Variants in PARD3B observed in about 807,000 individuals in gnomAD.
PARD3B encodes partitioning defective 3 homolog B.
In PARD3B, 103 loss-of-function variants were observed where a neutral mutation model predicts 130.2. That is an observed-to-expected ratio of 0.79 (90% CI 0.67 to 0.93). The LOEUF (loss-of-function observed/expected upper bound fraction) is 0.93, where lower values mean the gene tolerates loss of function less well. Among genes scored for constraint, PARD3B ranks in the 40% least tolerant of loss-of-function variants. The probability of loss-of-function intolerance (pLI) is 0.00; values close to 1 mark genes in which losing one functional copy is unlikely to be tolerated. For missense variants in PARD3B, 1,609 were observed against 1,499.2 expected (o/e 1.07, Z -1.21); for synonymous variants, 583 against 553.2 (o/e 1.05, Z -0.76).
chr2:205,534,731 A>C lies in PARD3B; in HGVS notation c.3181-18593A>C, dbSNP rs181825636. Among the ~76,000 whole-genome samples, 1,311 of 152,336 alleles carry C rather than the reference A, an allele frequency of 8.6e-3. 8 individuals are homozygous for C. Among genetic ancestry groups the C allele is most frequent in the Non-Finnish European group, 0.013 (878 of 68,032 alleles). On this transcript the variant is annotated intron_variant, in intron 21 of 22. Transcript: ENST00000406610. Reference sequence around the variant, plus strand: ...TGATCCACCCACGTTGGCCTCCCAAAGTGCTGGAATTACAGGCTTGAGCCA... The same window carrying C: ...TGATCCACCCACGTTGGCCTCCCAACGTGCTGGAATTACAGGCTTGAGCCA...
At chr2:204,587,130 A>T (rs2032860608) in intron 1 of PARD3B, among the ~76,000 whole-genome samples, 1 of 152,044 alleles carries the variant, frequency 6.6e-6, no homozygotes, top group Non-Finnish European at 1.5e-5. Flanking sequence ...ATTTTTTTTT[A>T]AATGCCAGGA....
At chr2:204,627,743 T>G (rs771659066) in intron 1 of PARD3B, among the ~76,000 whole-genome samples, 1 of 152,174 alleles carries the variant, frequency 6.6e-6, no homozygotes. Context: ...GATGGGAACC[T>G]GGAATTCAAG....
intron 4 of PARD3B, among the ~76,000 whole-genome samples, chr2:205,065,191 G>A (rs1210259579): frequency 6.6e-6 from 1 of 152,142 alleles, no homozygotes; most frequent in Non-Finnish European, 1.5e-5. Flanking sequence ...ACCCTTAGAA[G>A]CACCATCTTT....
intron 21 of PARD3B, among the ~76,000 whole-genome samples, chr2:205,551,757 G>A (rs763375198): frequency 1.6e-4 from 24 of 152,100 alleles, no homozygotes; most frequent in African/African-American, 4.6e-4. Flanking sequence ...ATGGAGAGCC[G>A]GGACTTTTGG....
At chr2:205,428,497 A>G (rs1574996903) in intron 19 of PARD3B, among the ~76,000 whole-genome samples, 1 of 152,146 alleles carries the variant, frequency 6.6e-6, no homozygotes, top group Non-Finnish European at 1.5e-5. Context: ...CCAGAACCCA[A>G]CCATGCTGGC....
chr2:204,832,085 G>A (rs1394537674), intron 2 of PARD3B, among the ~76,000 whole-genome samples: 1 of 152,098 alleles, frequency 6.6e-6, no homozygotes, highest in African/African-American at 2.4e-5. Context: ...AATTAGTCAG[G>A]CATGGTGGTG....
At chr2:204,546,869 A>G (rs1044284092) in intron 1 of PARD3B, among the ~76,000 whole-genome samples, 3 of 152,202 alleles carry the variant, frequency 2.0e-5, no homozygotes, top group Non-Finnish European at 4.4e-5. Flanking sequence ...TAAGTGTGCA[A>G]TACATGTTGA....
chr2:204,800,385 C>A (rs2042525193), intron 2 of PARD3B, among the ~76,000 whole-genome samples: 1 of 151,842 alleles, frequency 6.6e-6, no homozygotes, highest in African/African-American at 2.4e-5. Flanking sequence ...TAGAAAGTCG[C>A]CTCAAAAGGG....
rs1029268859 is a variant in PARD3B, at chr2:205,160,262, G to A, written c.1620+1355G>A. On this transcript the variant is annotated intron_variant, in intron 11 of 22. Transcript: ENST00000406610. The surrounding 1 kb of genome is among the most constrained non-coding windows in gnomAD (Gnocchi z 4.0). ...TTATTTTTCTCATAGCTCTGTGTGG[G>A]GGAGCTGGGGTTTGGGTAGGATTCT... is the stretch of plus-strand genomic sequence containing the variant. Among the ~76,000 whole-genome samples, 6 of 152,150 alleles carry A rather than the reference G, an allele frequency of 3.9e-5. No individual in the cohort carries two copies. The highest frequency in any genetic ancestry group is 9.7e-5 in the African/African-American group (4 of 41,414).
rs1024904930 is a variant in PARD3B at position 205,146,930 on chromosome 2, G to A, written c.1435-11792G>A. 5.3e-5 allele frequency among the ~76,000 whole-genome samples: 8 copies of A among 151,936 alleles called. No individual in the cohort carries two copies. Among genetic ancestry groups the A allele is most frequent in the Non-Finnish European group, 1.0e-4 (7 of 67,994 alleles). Reference sequence around the variant, plus strand: ...GGGGTTTTGCCATGTTGGCCAGGCTGGTCTCGAACTCCTGACCTCAAGTGT... The same window carrying A: ...GGGGTTTTGCCATGTTGGCCAGGCTAGTCTCGAACTCCTGACCTCAAGTGT... On this transcript the variant is annotated intron_variant, in intron 10 of 22. Coordinates refer to ENST00000406610, the MANE Select transcript of PARD3B (RefSeq NM_001302769.2). The surrounding 1 kb of genome is among the most constrained non-coding windows in gnomAD (Gnocchi z 4.3).
chr2:205,196,906 A>G (rs1341101916), intron 15 of PARD3B, among the ~76,000 whole-genome samples: 1 of 151,826 alleles, frequency 6.6e-6, no homozygotes, highest in East Asian at 1.9e-4. Flanking sequence ...ATCTTCCTTT[A>G]ATTTTTCTTC....
chr2:205,514,936 CAGG>C (rs1311039689), intron 21 of PARD3B, among the ~76,000 whole-genome samples: 1 of 151,172 alleles, frequency 6.6e-6, no homozygotes, highest in African/African-American at 2.4e-5. Context: ...TTTCATCACC[CAGG>C]AGTTAAGCCC....
intron 2 of PARD3B, among the ~76,000 whole-genome samples, chr2:204,858,682 G>A (rs1187893907): frequency 6.7e-6 from 1 of 149,830 alleles, no homozygotes; most frequent in Admixed American, 6.7e-5. Context: ...CCATGGGAGG[G>A]GAAATGGTTA....
intron 1 of PARD3B, among the ~76,000 whole-genome samples, chr2:204,618,505 T>C (rs1384394770): frequency 6.6e-6 from 1 of 152,210 alleles, no homozygotes; most frequent in Admixed American, 6.6e-5. Context: ...AGTGGACATG[T>C]CCACAACTGC....
intron 5 of PARD3B, among the ~76,000 whole-genome samples, chr2:205,112,927 T>C (rs1443373044): frequency 6.6e-6 from 1 of 152,228 alleles, no homozygotes; most frequent in Non-Finnish European, 1.5e-5. Context: ...ACTGATGCCC[T>C]ATTGAAAAGC....
intron 3 of PARD3B, among the ~76,000 whole-genome samples, chr2:204,987,315 A>C (rs1007644516): frequency 2.0e-5 from 3 of 152,234 alleles, no homozygotes; most frequent in Non-Finnish European, 2.9e-5. Flanking sequence ...TCTGGGAATA[A>C]AACATTTTGG....
intron 21 of PARD3B, among the ~76,000 whole-genome samples, chr2:205,542,354 T>TTGTGTGTG (rs143438143): frequency 0.14 from 19,850 of 145,020 alleles, 2,025 homozygotes; most frequent in African/African-American, 0.29. Context: ...TAGTTTGTGT[T>TTGTGTGTG]TGTGTGTGTG....
intron 21 of PARD3B, among the ~76,000 whole-genome samples, chr2:205,507,435 C>G (rs1331886253): frequency 6.6e-6 from 1 of 151,718 alleles, no homozygotes; most frequent in Non-Finnish European, 1.5e-5. Flanking sequence ...AGAATGGTCT[C>G]GATCTCCTGA....
rs2042318479 is a variant in PARD3B at position 205,309,966 on chromosome 2, T to C, written c.2630+8265T>C. Among the ~76,000 whole-genome samples, 2 of 152,096 alleles carry C rather than the reference T, an allele frequency of 1.3e-5. No individual in the cohort carries two copies. The highest frequency in any genetic ancestry group is 2.9e-5 in the Non-Finnish European group (2 of 68,022). On this transcript the variant is annotated intron_variant, in intron 18 of 22. Transcript: ENST00000406610. The surrounding 1 kb of genome is among the most constrained non-coding windows in gnomAD (Gnocchi z 4.7). ...TTGGAAAGTAAAAACTGTCTATATA[T>C]GGTATGCAACATGATGTTTTAATAT...
Sources: gnomAD v4.1 joint callset for allele counts (sites outside exome capture counted in the v4.1 genomes callset) on GRCh38, gnomAD v4.1.1 for gene constraint, Gnocchi (gnomAD v3.1) non-coding constraint, MANE v1.5 for transcripts, NCBI Gene and HGNC (gene_info 2026-07-23, HGNC 2026-07-21) for gene names.